Variants in PAPSS2 observed in about 807,000 individuals in gnomAD.
PAPSS2 encodes the protein 3'-phosphoadenosine 5'-phosphosulfate synthase 2, also known as bifunctional 3'-phosphoadenosine 5'-phosphosulfate synthase 2.
A neutral mutation model predicts 66.5 loss-of-function variants in PAPSS2; 61 were observed. The ratio of observed to expected loss-of-function variants is 0.92; its 90% CI spans 0.75 to 1.14. PAPSS2 has a LOEUF of 1.14. PAPSS2 is among the 50% of genes most tolerant of loss of function. PAPSS2 has a pLI of 0.00. For synonymous variants in PAPSS2, 289 were observed against 287.5 expected, an observed-to-expected ratio of 1.01 and a Z score of -0.05; for missense variants, 708 against 789.6, an observed-to-expected ratio of 0.90 and a Z score of 1.24.
At chr10:87,687,295 A>G (rs1439273110) in intron 1 of PAPSS2, among the ~76,000 whole-genome samples, 3 of 152,198 alleles carry the variant, frequency 2.0e-5, no homozygotes, top group Admixed American at 2.0e-4. Context: ...ATGGACTATG[A>G]CTAACTGATG....
At chr10:87,700,482 G>A (rs967087060) in intron 1 of PAPSS2, among the ~76,000 whole-genome samples, 4 of 151,972 alleles carry the variant, frequency 2.6e-5, no homozygotes, top group African/African-American at 9.7e-5. Flanking sequence ...TGTGGCAGTT[G>A]CTCTACATTA....
At chr10:87,662,564 A>T (rs553786334) in intron 1 of PAPSS2, among the ~76,000 whole-genome samples, 1 of 50,008 alleles carries the variant, frequency 2.0e-5, no homozygotes, top group Non-Finnish European at 4.3e-5. Flanking sequence ...TCCCACCCCC[A>T]CCCCCTATAC....
At chr10:87,701,237 C>A (rs1263244525) in intron 1 of PAPSS2, among the ~76,000 whole-genome samples, 1 of 102,620 alleles carries the variant, frequency 9.7e-6, no homozygotes, top group Non-Finnish European at 1.8e-5. Flanking sequence ...AATTTTCTTT[C>A]TTTTTTCTTT....
intron 8 of PAPSS2, among the ~76,000 whole-genome samples, chr10:87,723,654 C>T (rs1042813111): frequency 7.2e-6 from 1 of 139,452 alleles, no homozygotes; most frequent in Non-Finnish European, 1.5e-5. Context: ...TATGATAGAC[C>T]GGATTTGTTT....
intron 1 of PAPSS2, among the ~76,000 whole-genome samples, chr10:87,673,825 A>T (rs1387848889): frequency 1.3e-5 from 2 of 151,116 alleles, no homozygotes; most frequent in African/African-American, 4.9e-5. Flanking sequence ...GAATCTTCTA[A>T]GTCACTGAAT....
At chr10:87,703,749 C>CAGT in intron 1 of PAPSS2, 1 of 518,824 alleles carries the variant, frequency 1.9e-6, no homozygotes, top group Non-Finnish European at 3.8e-6. Flanking sequence ...TTTTCTGGGC[C>CAGT]AGTAGTGGGA....
chr10:87,660,601 C>T (rs1852737942), intron 1 of PAPSS2, among the ~76,000 whole-genome samples: 1 of 151,854 alleles, frequency 6.6e-6, no homozygotes, highest in South Asian at 2.1e-4. Flanking sequence ...GGGTGCCCCT[C>T]GGTTTGGTGG....
At chr10:87,661,676 A>G (rs995102931) in intron 1 of PAPSS2, among the ~76,000 whole-genome samples, 3 of 152,088 alleles carry the variant, frequency 2.0e-5, no homozygotes, top group Non-Finnish European at 4.4e-5. Flanking sequence ...ATTACAAATC[A>G]ATTGCGGGGG....
In PAPSS2 at chr10:87,744,643, T is replaced by C. The variant is rs558580228; in HGVS notation, c.1492-359T>C. Among the ~76,000 whole-genome samples, 3 of 152,356 alleles carry C rather than the reference T, an allele frequency of 2.0e-5. No individual in the cohort carries two copies. The South Asian group carries it at 6.2e-4, about 32-fold the overall frequency. Reference sequence around the variant, plus strand: ...TCAGATAATGAGATACTAGAGTTGGTAATTTCCTTTAAACTGCAATTTATT... The same window carrying C: ...TCAGATAATGAGATACTAGAGTTGGCAATTTCCTTTAAACTGCAATTTATT... On this transcript the variant is annotated intron_variant, in intron 11 of 12. Transcript: ENST00000456849.
intron 1 of PAPSS2, among the ~76,000 whole-genome samples, chr10:87,687,255 GA>G (rs964908067): frequency 4.6e-5 from 7 of 152,034 alleles, no homozygotes; most frequent in African/African-American, 1.7e-4. Flanking sequence ...AATATATTTT[GA>G]AAAAATTAAT....
chr10:87,670,182 G>A (rs550681413), intron 1 of PAPSS2, among the ~76,000 whole-genome samples: 14 of 152,338 alleles, frequency 9.2e-5, no homozygotes, highest in Non-Finnish European at 1.6e-4. Flanking sequence ...TTATTGCCTA[G>A]CCTTACGGCT....
At chr10:87,732,159 C>G (rs1365494375) in intron 9 of PAPSS2, among the ~76,000 whole-genome samples, 1 of 152,212 alleles carries the variant, frequency 6.6e-6, no homozygotes, top group Non-Finnish European at 1.5e-5. Context: ...GCTATTAACA[C>G]AAGACTCTCC....
chr10:87,717,795 T>G (rs1286662207), intron 7 of PAPSS2, among the ~76,000 whole-genome samples: 1 of 152,140 alleles, frequency 6.6e-6, no homozygotes, highest in African/African-American at 2.4e-5. Flanking sequence ...CTCACAGTGT[T>G]GCCCAGGCTG....
At chr10:87,667,748 T>C (rs567093170) in intron 1 of PAPSS2, among the ~76,000 whole-genome samples, 92 of 152,332 alleles carry the variant, frequency 6.0e-4, no homozygotes, top group African/African-American at 2.1e-3. Context: ...ATATTAACTT[T>C]TGGCAATAAA....
chr10:87,703,915 A>ATT (rs997249879), intron 1 of PAPSS2: 28 of 499,684 alleles, frequency 5.6e-5, no homozygotes, highest in Admixed American at 4.2e-4. Flanking sequence ...CAAGACAGAC[A>ATT]TTTTTTCCTT....
intron 1 of PAPSS2, among the ~76,000 whole-genome samples, chr10:87,673,755 TG>T (rs1395895340): frequency 7.0e-6 from 1 of 143,572 alleles, no homozygotes; most frequent in Non-Finnish European, 1.5e-5. Context: ...TTTATGCCCC[TG>T]GGTTGTTCTT....
At chr10:87,669,416 T>A (rs1852850318) in intron 1 of PAPSS2, among the ~76,000 whole-genome samples, 1 of 152,126 alleles carries the variant, frequency 6.6e-6, no homozygotes. Context: ...CAATAGAGAG[T>A]GTTTTCCTAA....
At chr10:87,719,246 G>A (rs1853567794) in intron 7 of PAPSS2, among the ~76,000 whole-genome samples, 2 of 152,170 alleles carry the variant, frequency 1.3e-5, no homozygotes, top group South Asian at 4.1e-4. Context: ...AGTGTGAGCT[G>A]CGAAGTCACA....
At chr10:87,673,550 G>A (rs1015727477) in intron 1 of PAPSS2, among the ~76,000 whole-genome samples, 1 of 146,204 alleles carries the variant, frequency 6.8e-6, no homozygotes, top group African/African-American at 2.6e-5. Context: ...TTTCTTAGCT[G>A]TGTGTGTGTT....
Sources: allele counts gnomAD v4.1 joint callset (sites outside exome capture counted in the v4.1 genomes callset), GRCh38; gene constraint gnomAD v4.1.1; transcripts MANE v1.5; gene names NCBI Gene and HGNC (gene_info 2026-07-23, HGNC 2026-07-21).